NLRP1: variants seen among roughly 807,000 people sequenced by gnomAD.
NLRP1 encodes NACHT, LRR and PYD domains-containing protein 1.
NLRP1 carries 94 observed loss-of-function variants against 136.7 expected under a neutral mutation model. The ratio of observed to expected loss-of-function variants is 0.69; its 90% CI spans 0.58 to 0.82. The LOEUF is 0.82. Among genes scored for constraint, NLRP1 ranks in the 40% least tolerant of loss-of-function variants. NLRP1 has a pLI of 0.00. For missense variants in NLRP1, 1,575 were observed against 1,802.7 expected (o/e 0.87, Z 2.29); for synonymous variants, 690 against 725.1 (o/e 0.95, Z 0.78).
intron 11 of NLRP1, among the ~76,000 whole-genome samples, chr17:5,531,359 G>A (rs1277568723): frequency 2.0e-5 from 3 of 152,044 alleles, no homozygotes; most frequent in Non-Finnish European, 4.4e-5. Flanking sequence ...AGGACTACAG[G>A]TACATGTCAC....
chr17:5,556,844 G>A (rs1175825965), intron 4 of NLRP1, among the ~76,000 whole-genome samples: 4 of 151,948 alleles, frequency 2.6e-5, no homozygotes, highest in Non-Finnish European at 4.4e-5. Flanking sequence ...GGCTGGTCTC[G>A]AACTCCTGAC....
Position 5,582,795 on chromosome 17 carries a change from G to A in NLRP1, c.323C>T (p.Pro108Leu), listed in dbSNP as rs1905835424. 1.2e-6 allele frequency: 2 copies of A among 1,613,822 alleles called. No homozygotes were observed. Among genetic ancestry groups the A allele is most frequent in the Admixed American group, 1.7e-5 (1 of 59,982 alleles). The part of the protein sequence containing the change: ...YSPSEPHLGS[P>L]SQPTSTAVLM... ...CACTGCGGTGGAGGTGGGTTGGCTG[G>A]GAGACCCCAGGTGGGGTTCACTTGG... is the stretch of plus-strand genomic sequence containing the variant. Residue 108 changes from proline to leucine, a missense_variant, in exon 2 of 17, where the codon CCC becomes CTC. Pro to Leu is a moderately conservative substitution (Grantham distance 98). Coordinates refer to ENST00000572272, the MANE Select transcript of NLRP1 (RefSeq NM_033004.4).
chr17:5,539,401 C>T lies in NLRP1; in HGVS notation c.2870+14G>A, dbSNP rs1360634668. 1 of 1,606,024 alleles carries T rather than the reference C, an allele frequency of 6.2e-7. No homozygotes were observed. The highest frequency in any genetic ancestry group is 8.5e-7 in the Non-Finnish European group (1 of 1,176,208). ...CCTCTTCCCTCTGCCCAGAAGGGAC[C>T]CACAGGGCCTTACCCCAGGCGTATG... is the stretch of plus-strand genomic sequence containing the variant. On this transcript the variant is annotated intron_variant, in intron 7 of 16. Coordinates refer to ENST00000572272, the MANE Select transcript of NLRP1 (RefSeq NM_033004.4).
rs1259903209 is a variant in NLRP1, at chr17:5,537,627, G to A, written c.2871-687C>T. On this transcript the variant is annotated intron_variant, in intron 7 of 16. Coordinates refer to ENST00000572272, the MANE Select transcript of NLRP1 (RefSeq NM_033004.4). This position sits in a 1 kb window ranked among gnomAD's most constrained non-coding sequence, Gnocchi z 4.5. ...GCGGTGAAAAGACCCTGTCTTCTGC[G>A]AAGGGCTCTGCATTCATTCCCCTAC... Among the ~76,000 whole-genome samples the A allele has an allele frequency of 1.3e-5, 2 of 152,304 alleles. No individual in the cohort carries two copies. Among genetic ancestry groups the A allele is most frequent in the African/African-American group, 2.4e-5 (1 of 41,564 alleles).
chr17:5,555,021 A>T (rs796339325), intron 4 of NLRP1, among the ~76,000 whole-genome samples: 15,024 of 64,770 alleles, frequency 0.23, 841 homozygotes, highest in East Asian at 0.38. Context: ...ATCCCATCAC[A>T]CACACACACA....
At chr17:5,531,326 C>T (rs1429508199) in intron 11 of NLRP1, among the ~76,000 whole-genome samples, 4 of 152,160 alleles carry the variant, frequency 2.6e-5, no homozygotes, top group Non-Finnish European at 4.4e-5. Context: ...GGCAATTCTT[C>T]CACCTCAGCT....
Position 5,558,669 on chromosome 17 carries a change from C to A in NLRP1, c.2027G>T (p.Gly676Val). Residue 676 changes from glycine (G) to valine (V), a missense_variant, in exon 4 of 17, where the codon GGC becomes GTC. Gly to Val is a moderately radical substitution (Grantham distance 109). Coordinates refer to ENST00000572272, the MANE Select transcript of NLRP1 (RefSeq NM_033004.4). ...FGASTTRFLL[G>V]LLSDEGEREM... The stretch of plus-strand genomic sequence containing the variant: ...TCTCTCCCCCTCATCACTTAACAGG[C>A]CCAATAGGAAACGTGTGGTTGATGC... 1 of 1,614,106 alleles carries A rather than the reference C, an allele frequency of 6.2e-7. No individual in the cohort carries two copies. Among genetic ancestry groups the A allele is most frequent in the Non-Finnish European group, 8.5e-7 (1 of 1,180,010 alleles).
intron 6 of NLRP1, among the ~76,000 whole-genome samples, chr17:5,539,842 T>C (rs1278456010): frequency 2.6e-5 from 4 of 152,164 alleles, no homozygotes; most frequent in African/African-American, 9.7e-5. Flanking sequence ...GTCCCCTCAC[T>C]CTGTCCACAT....
chr17:5,540,974 G>A (rs1366927907), intron 6 of NLRP1, among the ~76,000 whole-genome samples: 1 of 152,216 alleles, frequency 6.6e-6, no homozygotes, highest in Admixed American at 6.5e-5. Flanking sequence ...GCACAGAGGG[G>A]TGTGTATAAC....
intron 12 of NLRP1, among the ~76,000 whole-genome samples, chr17:5,528,363 T>C (rs183582435): frequency 1.5e-3 from 226 of 152,346 alleles, no homozygotes; most frequent in Non-Finnish European, 1.9e-3. Context: ...CCTTTCTAAA[T>C]GGACCTCTAC....
chr17:5,556,775 C>T (rs1329545825), intron 4 of NLRP1, among the ~76,000 whole-genome samples: 18 of 152,024 alleles, frequency 1.2e-4, no homozygotes, highest in Admixed American at 1.1e-3. Flanking sequence ...AGGCGCCTGA[C>T]ACCATTTTCG....
downstream of NLRP1, chr17:5,511,912 C>A: frequency 1.0e-5 from 2 of 197,564 alleles, no homozygotes; most frequent in East Asian, 1.4e-4. Context: ...TTGTTTTTGA[C>A]CACACCCAGA....
chr17:5,560,605 C>T (rs973426382), intron 3 of NLRP1, among the ~76,000 whole-genome samples: 13 of 152,310 alleles, frequency 8.5e-5, no homozygotes, highest in African/African-American at 2.6e-4. Context: ...GATAGTTCTC[C>T]AGTCCAGGAG....
chr17:5,507,479 G>C (rs1019109308), intron 15 of NLRP1, among the ~76,000 whole-genome samples: 1 of 152,160 alleles, frequency 6.6e-6, no homozygotes, highest in Non-Finnish European at 1.5e-5. Context: ...CAGATTGCTT[G>C]AGTCCAGGAG....
intron 12 of NLRP1, 59 bp downstream of exon 12, chr17:5,530,422 A>T: frequency 6.8e-7 from 1 of 1,462,746 alleles, no homozygotes; most frequent in Non-Finnish European, 9.6e-7. Context: ...ATCATTCTAC[A>T]CTCCCTTTCA....
chr17:5,535,570 C>T (rs913890175), intron 8 of NLRP1, among the ~76,000 whole-genome samples: 7 of 152,216 alleles, frequency 4.6e-5, no homozygotes, highest in South Asian at 2.1e-4. Context: ...TGCGCAGACA[C>T]TTCTGGGATA....
chr17:5,541,900 A>C lies in NLRP1; in HGVS notation c.2656T>G (p.Cys886Gly). 6.2e-7 allele frequency: 1 copy of C among 1,613,952 alleles called. No homozygotes were observed. The highest frequency in any genetic ancestry group is 2.2e-5 in the East Asian group (1 of 44,818). The change falls in exon 6 of 17, where the codon TGC becomes GGC. Residue 886 changes from cysteine to glycine, a missense_variant. Transcript: ENST00000572272. This position sits in a 1 kb window ranked among gnomAD's most constrained non-coding sequence, Gnocchi z 4.2. ...CAGCTCGGCTGTCTCAGTCTCTGGC[A>C]AAGGTGTTTGGCTCCAGCATCCGTG... ...VLTDAGAKHL[C>G]QRLRQPSCKL...
At chr17:5,549,742 T>C (rs1913100698) in intron 5 of NLRP1, among the ~76,000 whole-genome samples, 1 of 152,218 alleles carries the variant, frequency 6.6e-6, no homozygotes. Flanking sequence ...TGAATAGAAA[T>C]GGCAAGAACA....
intron 3 of NLRP1, among the ~76,000 whole-genome samples, chr17:5,578,985 A>T (rs1352212337): frequency 6.6e-6 from 1 of 152,172 alleles, no homozygotes; most frequent in Non-Finnish European, 1.5e-5. Context: ...GCTGGAAACC[A>T]TCATTCTCAG....
Sources: gnomAD v4.1 joint callset for allele counts (sites outside exome capture counted in the v4.1 genomes callset) on GRCh38, gnomAD v4.1.1 for gene constraint, Gnocchi (gnomAD v3.1) non-coding constraint, MANE v1.5 for transcripts, NCBI Gene and HGNC (gene_info 2026-07-23, HGNC 2026-07-21) for gene names.